Variants in SHANK2 observed in about 807,000 individuals in gnomAD.
SHANK2 encodes SH3 and multiple ankyrin repeat domains protein 2.
In SHANK2, 43 loss-of-function variants were observed where a neutral mutation model predicts 133.7. The observed-to-expected ratio is 0.32, with a 90% CI of 0.25 to 0.41. The LOEUF (loss-of-function observed/expected upper bound fraction) is 0.41. Among genes scored for constraint, SHANK2 ranks in the 10% least tolerant of loss-of-function variants. The pLI, the probability that SHANK2 is intolerant of heterozygous loss-of-function variation, is 1.00. For synonymous variants in SHANK2, 1,017 were observed against 952.8 expected (o/e 1.07, Z -1.24); for missense variants, 1,994 against 2,235.8 (o/e 0.89, Z 2.18).
At chr11:70,775,818 C>T (rs185141138) in intron 14 of SHANK2, among the ~76,000 whole-genome samples, 4 of 152,360 alleles carry the variant, frequency 2.6e-5, no homozygotes, top group African/African-American at 4.8e-5. Context: ...GAGGTTTCAT[C>T]GTTACCAGCA....
chr11:70,885,231 C>CTAGG (rs1193623024), intron 11 of SHANK2, among the ~76,000 whole-genome samples: 1 of 148,652 alleles, frequency 6.7e-6, no homozygotes, highest in Admixed American at 6.8e-5. Context: ...GAGGGTCAGG[C>CTAGG]TAGGGCACAG....
chr11:71,222,176 G>A (rs782318129), intron 2 of SHANK2, among the ~76,000 whole-genome samples: 29 of 145,950 alleles, frequency 2.0e-4, no homozygotes, highest in Non-Finnish European at 2.8e-4. Flanking sequence ...CGAGGGGACT[G>A]ATCTTCCCAG....
At chr11:70,816,663 G>T (rs1555054438) in intron 12 of SHANK2, among the ~76,000 whole-genome samples, 1 of 152,214 alleles carries the variant, frequency 6.6e-6, no homozygotes. Flanking sequence ...TGAACAAGGA[G>T]CAGAGGGGCT....
chr11:70,533,305 G>C (rs1565104750), intron 17 of SHANK2, among the ~76,000 whole-genome samples: 1 of 152,132 alleles, frequency 6.6e-6, no homozygotes. Flanking sequence ...GTCTAGGCTG[G>C]TCTCAAACTC....
intron 2 of SHANK2, among the ~76,000 whole-genome samples, chr11:71,202,262 C>T (rs1954033656): frequency 6.6e-6 from 1 of 152,238 alleles, no homozygotes; most frequent in Non-Finnish European, 1.5e-5. Flanking sequence ...AGCCCCATCC[C>T]CTCCTCATTC....
intron 12 of SHANK2, among the ~76,000 whole-genome samples, chr11:70,813,993 T>C (rs781925411): frequency 9.9e-5 from 15 of 152,242 alleles, no homozygotes; most frequent in Middle Eastern, 3.4e-3. Flanking sequence ...TACCCCTCCA[T>C]CTGGCCCCGG....
At chr11:71,201,521 G>A (rs1441945030) in intron 2 of SHANK2, among the ~76,000 whole-genome samples, 3 of 152,250 alleles carry the variant, frequency 2.0e-5, no homozygotes, top group Non-Finnish European at 4.4e-5. Flanking sequence ...GGTCACTGAT[G>A]GCGGTCACCT....
rs948270119 is a variant in SHANK2, at chr11:70,902,600, G to A, written c.1108-6033C>T. Among the ~76,000 whole-genome samples, 5 of 152,352 alleles carry A rather than the reference G, an allele frequency of 3.3e-5. No individual in the cohort carries two copies. The East Asian group carries it at 9.7e-4, about 29-fold the overall frequency. Reference sequence around the variant, plus strand: ...GATTGACATCCTGCATTTGAAGTGTGATCTACAGTTCCAGGCGGCATCGAT... The same window carrying A: ...GATTGACATCCTGCATTTGAAGTGTAATCTACAGTTCCAGGCGGCATCGAT... On this transcript the variant is annotated intron_variant, in intron 10 of 25. Coordinates refer to ENST00000601538, the MANE Select transcript of SHANK2 (RefSeq NM_012309.5).
chr11:70,679,354 C>T (rs901047873), intron 15 of SHANK2, among the ~76,000 whole-genome samples: 1 of 152,256 alleles, frequency 6.6e-6, no homozygotes, highest in African/African-American at 2.4e-5. Flanking sequence ...AACTGCAGAG[C>T]CTGTTCCCAC....
intron 11 of SHANK2, among the ~76,000 whole-genome samples, chr11:70,844,690 C>T (rs1399774137): frequency 1.3e-5 from 2 of 152,194 alleles, no homozygotes; most frequent in African/African-American, 4.8e-5. Context: ...AGCTGAGATG[C>T]TTTTCGACTT....
chr11:71,191,240 C>G (rs1051635380), intron 2 of SHANK2, among the ~76,000 whole-genome samples: 1 of 152,118 alleles, frequency 6.6e-6, no homozygotes, highest in African/African-American at 2.4e-5. Context: ...CATGCTATGT[C>G]TTTGTTCACA....
At chr11:70,537,407 A>G (rs1554974339) in intron 17 of SHANK2, among the ~76,000 whole-genome samples, 1 of 152,230 alleles carries the variant, frequency 6.6e-6, no homozygotes, top group South Asian at 2.1e-4. Flanking sequence ...ATCCAATGAC[A>G]CGTGTTCTCG....
intron 7 of SHANK2, among the ~76,000 whole-genome samples, chr11:71,093,160 G>A (rs2135117256): frequency 6.6e-6 from 1 of 151,876 alleles, no homozygotes; most frequent in East Asian, 1.9e-4. Context: ...GAGGAGACCT[G>A]CAGCACTCAG....
intron 19 of SHANK2, 116 bp from the exon 20 acceptor site, chr11:70,502,047 G>T (rs1555158697): frequency 3.0e-6 from 4 of 1,344,360 alleles, no homozygotes; most frequent in Non-Finnish European, 3.1e-6. Flanking sequence ...ACATGGGGCT[G>T]CGGGGCATGC....
intron 14 of SHANK2, among the ~76,000 whole-genome samples, chr11:70,717,868 A>G (rs1945976878): frequency 6.6e-6 from 1 of 152,188 alleles, no homozygotes; most frequent in Non-Finnish European, 1.5e-5. Context: ...AAAAGAAAAA[A>G]AAAATCAGAT....
chr11:70,589,740 A>G (rs1554987559), intron 17 of SHANK2, among the ~76,000 whole-genome samples: 1 of 152,222 alleles, frequency 6.6e-6, no homozygotes, highest in Non-Finnish European at 1.5e-5. Flanking sequence ...GGAGGAGGCC[A>G]GTATGTCAAC....
At chr11:70,566,033 A>C (rs11236654) in intron 17 of SHANK2, among the ~76,000 whole-genome samples, 30,282 of 152,140 alleles carry the variant, frequency 0.2, 3,315 homozygotes, top group Middle Eastern at 0.28. Context: ...TCATGGCAGA[A>C]GGGAAAGGGC....
At chr11:70,521,914 G>C (rs782354635) in intron 17 of SHANK2, among the ~76,000 whole-genome samples, 2 of 152,222 alleles carry the variant, frequency 1.3e-5, no homozygotes, top group Non-Finnish European at 2.9e-5. Flanking sequence ...CTACTGGTGG[G>C]TCTGGTGCTT....
At chr11:70,677,559 T>A (rs191189536) in intron 15 of SHANK2, among the ~76,000 whole-genome samples, 1 of 152,222 alleles carries the variant, frequency 6.6e-6, no homozygotes, top group East Asian at 1.9e-4. Flanking sequence ...GAGGTAAAGG[T>A]AAGGCTGGTT....
Sources: allele counts gnomAD v4.1 joint callset (sites outside exome capture counted in the v4.1 genomes callset), GRCh38; gene constraint gnomAD v4.1.1; transcripts MANE v1.5; gene names NCBI Gene and HGNC (gene_info 2026-07-23, HGNC 2026-07-21).